Variants in TMEM108 observed in about 807,000 individuals in gnomAD.
TMEM108 encodes cancer/testis antigen 124.
TMEM108 carries 12 observed loss-of-function variants against 35.1 expected under a neutral mutation model. The observed-to-expected ratio is 0.34, with a 90% confidence interval of 0.22 to 0.55. The LOEUF (loss-of-function observed/expected upper bound fraction) is 0.55. Among genes scored for constraint, TMEM108 ranks in the 20% least tolerant of loss-of-function variants. TMEM108 has a pLI of 0.89. For missense variants in TMEM108, 680 were observed against 753.3 expected (o/e 0.90, Z 1.14); for synonymous variants, 287 against 308.6 (o/e 0.93, Z 0.73).
chr3:133,098,465 A>G (rs1202624775), intron 2 of TMEM108, among the ~76,000 whole-genome samples: 2 of 152,158 alleles, frequency 1.3e-5, no homozygotes, highest in Admixed American at 6.5e-5. Flanking sequence ...ATGGCCTCAC[A>G]TTTCAAAACC....
At chr3:133,082,966 G>A (rs79575352) in intron 2 of TMEM108, among the ~76,000 whole-genome samples, 1 of 152,038 alleles carries the variant, frequency 6.6e-6, no homozygotes, top group Admixed American at 6.6e-5. Context: ...TAAACTTTTT[G>A]TACAAAATAC....
rs754829663 is a variant in TMEM108, at chr3:133,173,560, G to A, written c.-46-55706G>A. 3.5e-4 allele frequency among the ~76,000 whole-genome samples: 53 copies of A among 152,200 alleles called. 1 individual carries two copies. The highest frequency in any genetic ancestry group is 7.2e-4 in the Non-Finnish European group (49 of 68,038). On this transcript the variant is annotated intron_variant, in intron 2 of 5. Coordinates refer to ENST00000321871, the MANE Select transcript of TMEM108 (RefSeq NM_023943.4). ...AGAAGTGAAGGTATATTACAGGCAA[G>A]GTATTCCTTCCATTGTCCACATTAA...
chr3:133,388,517 A>G, intron 4 of TMEM108: 1 of 985,332 alleles, frequency 1.0e-6, no homozygotes, highest in Non-Finnish European at 1.2e-6. Flanking sequence ...GATCCACAAT[A>G]TTTGAAAAGT....
At chr3:133,257,016 T>G (rs1350113480) in intron 3 of TMEM108, 1 of 152,234 alleles carries the variant, frequency 6.6e-6, no homozygotes, top group Non-Finnish European at 1.5e-5. Context: ...AAACAGTGCC[T>G]GTACTTACCA....
At chr3:133,078,162 C>CTGTGT (rs1559825394) in intron 2 of TMEM108, among the ~76,000 whole-genome samples, 25 of 30,430 alleles carry the variant, frequency 8.2e-4, no homozygotes, top group African/African-American at 5.6e-3. Flanking sequence ...TGTGTGTGCA[C>CTGTGT]GCGCGCGCGC....
intron 2 of TMEM108, chr3:133,074,335 G>A (rs977358431): frequency 6.6e-6 from 1 of 152,054 alleles, no homozygotes; most frequent in Non-Finnish European, 1.5e-5. Context: ...ACTTATGGTG[G>A]TGTGACATCC....
At chr3:133,244,556 C>G (rs868290562) in intron 3 of TMEM108, among the ~76,000 whole-genome samples, 11 of 152,294 alleles carry the variant, frequency 7.2e-5, no homozygotes, top group Middle Eastern at 3.4e-3. Context: ...CCATGGGCCT[C>G]TCTTTTGCAT....
At chr3:133,312,397 G>A (rs1433637252) in intron 3 of TMEM108, among the ~76,000 whole-genome samples, 1 of 152,190 alleles carries the variant, frequency 6.6e-6, no homozygotes, top group African/African-American at 2.4e-5. Flanking sequence ...CCCAGTTTGA[G>A]CTTCCTGGCC....
At chr3:133,220,888 G>A (rs1353661709) in intron 2 of TMEM108, among the ~76,000 whole-genome samples, 1 of 152,178 alleles carries the variant, frequency 6.6e-6, no homozygotes, top group Non-Finnish European at 1.5e-5. Flanking sequence ...TGATTAACTT[G>A]CTAGAGTGGC....
At chr3:133,281,591 G>GA (rs1482375056) in intron 3 of TMEM108, among the ~76,000 whole-genome samples, 1 of 152,204 alleles carries the variant, frequency 6.6e-6, no homozygotes, top group Non-Finnish European at 1.5e-5. Flanking sequence ...GTGGTACTTT[G>GA]AGGCAGAAGT....
chr3:133,167,724 C>A (rs554369221), intron 2 of TMEM108, among the ~76,000 whole-genome samples: 1 of 152,180 alleles, frequency 6.6e-6, no homozygotes, highest in African/African-American at 2.4e-5. Flanking sequence ...CCGGAACTTG[C>A]GCTGGCCCGT....
intron 2 of TMEM108, among the ~76,000 whole-genome samples, chr3:133,111,527 T>G (rs1944223870): frequency 6.6e-6 from 1 of 152,150 alleles, no homozygotes; most frequent in Admixed American, 6.6e-5. Context: ...TCCAACAGTT[T>G]TATCAAGTCA....
At chr3:133,235,899 G>A (rs1423846110) in intron 3 of TMEM108, among the ~76,000 whole-genome samples, 1 of 152,224 alleles carries the variant, frequency 6.6e-6, no homozygotes, top group South Asian at 2.1e-4. Flanking sequence ...AATAATGGAA[G>A]GTAAAGAGCG....
intron 2 of TMEM108, among the ~76,000 whole-genome samples, chr3:133,226,530 T>G (rs1377407675): frequency 1.3e-5 from 2 of 152,228 alleles, no homozygotes; most frequent in Middle Eastern, 3.4e-3. Flanking sequence ...AGTTCTAAGA[T>G]CACTGTTTTA....
At chr3:133,161,491 A>G (rs1041135189) in intron 2 of TMEM108, among the ~76,000 whole-genome samples, 4 of 152,136 alleles carry the variant, frequency 2.6e-5, no homozygotes, top group African/African-American at 9.7e-5. Flanking sequence ...AACATAGTAG[A>G]TAGGTGTTCA....
chr3:133,233,810 A>G (rs1374331513), intron 3 of TMEM108, among the ~76,000 whole-genome samples: 1 of 150,838 alleles, frequency 6.6e-6, no homozygotes, highest in South Asian at 2.1e-4. Context: ...GCATTTTTTC[A>G]TGTGTCTTTT....
At chr3:133,100,907 G>T (rs1306171855) in intron 2 of TMEM108, among the ~76,000 whole-genome samples, 2 of 152,154 alleles carry the variant, frequency 1.3e-5, no homozygotes, top group African/African-American at 4.8e-5. Context: ...TTTATTTTGT[G>T]TATGTATCTA....
At chr3:133,040,386 G>C (rs1224358885) in intron 1 of TMEM108, among the ~76,000 whole-genome samples, 2 of 151,812 alleles carry the variant, frequency 1.3e-5, no homozygotes, top group Admixed American at 1.3e-4. Flanking sequence ...GTATTTTTTA[G>C]TAAAGACGGG....
At chr3:133,165,001 A>G (rs527491247) in intron 2 of TMEM108, among the ~76,000 whole-genome samples, 2 of 28,874 alleles carry the variant, frequency 6.9e-5, no homozygotes, top group Non-Finnish European at 1.7e-4. Flanking sequence ...ACAAAGTATA[A>G]ACACTACCTG....
Sources: gnomAD v4.1 joint callset for allele counts (sites outside exome capture counted in the v4.1 genomes callset) on GRCh38, gnomAD v4.1.1 for gene constraint, MANE v1.5 for transcripts, NCBI Gene and HGNC (gene_info 2026-07-23, HGNC 2026-07-21) for gene names.